USP28: variants seen among roughly 807,000 people sequenced by gnomAD.
USP28 encodes ubiquitin specific peptidase 28.
A neutral mutation model predicts 145.0 loss-of-function variants in USP28; 113 were observed. That is an observed-to-expected ratio of 0.78 (90% CI 0.67 to 0.91). The LOEUF (loss-of-function observed/expected upper bound fraction) is 0.91, where lower values mean the gene tolerates loss of function less well. USP28 is among the 40% of genes least tolerant of loss of function. The probability of loss-of-function intolerance (pLI) is 0.00; values close to 1 mark genes in which losing one functional copy is unlikely to be tolerated. For missense variants in USP28, 1,201 were observed against 1,289.6 expected, an observed-to-expected ratio of 0.93 and a Z score of 1.05; for synonymous variants, 447 against 450.9, an observed-to-expected ratio of 0.99 and a Z score of 0.11.
intron 15 of USP28, chr11:113,813,660 G>T: frequency 4.1e-6 from 2 of 492,380 alleles, no homozygotes; most frequent in Non-Finnish European, 7.1e-6. Context: ...AAAATTCCAT[G>T]TGGCAGAATT....
chr11:113,862,618 C>T (rs1469062736), intron 1 of USP28, among the ~76,000 whole-genome samples: 1 of 152,152 alleles, frequency 6.6e-6, no homozygotes. Flanking sequence ...AGGCAGGATG[C>T]TGGTAGGCAA....
intron 2 of USP28, among the ~76,000 whole-genome samples, 154 bp from the exon 3 acceptor site, chr11:113,852,787 T>C (rs1402862491): frequency 6.6e-6 from 1 of 152,200 alleles, no homozygotes; most frequent in Non-Finnish European, 1.5e-5. Context: ...GTAGGTCTAA[T>C]GTGCTTGAAG....
intron 16 of USP28, among the ~76,000 whole-genome samples, chr11:113,810,842 T>C (rs776209895): frequency 1.4e-4 from 22 of 152,160 alleles, no homozygotes; most frequent in Admixed American, 1.4e-3. Context: ...GCCCAGCTAA[T>C]TTATGTATTT....
At chr11:113,806,688 A>T in intron 18 of USP28, 104 bp from the exon 20 acceptor site, 1 of 758,036 alleles carries the variant, frequency 1.3e-6, no homozygotes, top group Non-Finnish European at 2.1e-6. Flanking sequence ...GCAGCAGAGC[A>T]GTGTGCTCTT....
At chr11:113,841,493 G>A (rs1242126201) in intron 4 of USP28, among the ~76,000 whole-genome samples, 170 bp downstream of exon 4, 2 of 152,128 alleles carry the variant, frequency 1.3e-5, no homozygotes, top group Non-Finnish European at 2.9e-5. Flanking sequence ...TTTCAGTTTC[G>A]CTTTTTCAAA....
chr11:113,875,127 C>A (rs1949243651), intron 1 of USP28, among the ~76,000 whole-genome samples: 1 of 152,230 alleles, frequency 6.6e-6, no homozygotes, highest in Admixed American at 6.5e-5. Context: ...TCACCCCGGA[C>A]GGGGCCCAGG....
chr11:113,843,469 C>G (rs1234780177), intron 3 of USP28, among the ~76,000 whole-genome samples: 1 of 151,902 alleles, frequency 6.6e-6, no homozygotes, highest in East Asian at 1.9e-4. Flanking sequence ...ATTGGGAGTT[C>G]GAGATCAGCC....
chr11:113,868,691 C>T (rs1408702900), intron 1 of USP28, among the ~76,000 whole-genome samples: 3 of 152,118 alleles, frequency 2.0e-5, no homozygotes, highest in South Asian at 4.2e-4. Context: ...GAGGCTCAGG[C>T]GGGAGGATCA....
intron 1 of USP28, among the ~76,000 whole-genome samples, chr11:113,866,513 TATA>T (rs1389703655): frequency 6.6e-6 from 1 of 152,094 alleles, no homozygotes; most frequent in Non-Finnish European, 1.5e-5. Context: ...CCAAAGAAGA[TATA>T]TAAATAGTCA....
chr11:113,835,867 G>A (rs372215925), intron 5 of USP28, among the ~76,000 whole-genome samples: 346 of 152,232 alleles, frequency 2.3e-3, no homozygotes, highest in Non-Finnish European at 3.7e-3. Context: ...GATCACCTGA[G>A]GTCAGGAGTT....
intron 14 of USP28, among the ~76,000 whole-genome samples, chr11:113,814,376 G>A (rs1266278225): frequency 6.6e-6 from 1 of 152,136 alleles, no homozygotes; most frequent in Non-Finnish European, 1.5e-5. Flanking sequence ...GAGACAGGAA[G>A]GGGGGTAAGG....
At chr11:113,820,650 C>T (rs1229444628) in intron 12 of USP28, among the ~76,000 whole-genome samples, 1 of 152,172 alleles carries the variant, frequency 6.6e-6, no homozygotes, top group East Asian at 1.9e-4. Flanking sequence ...AGGCGCCCTC[C>T]TTCCATGGGA....
intron 24 of USP28, 123 bp from the exon 26 acceptor site, chr11:113,799,538 A>G: frequency 8.8e-7 from 1 of 1,132,368 alleles, no homozygotes; most frequent in East Asian, 2.6e-5. Context: ...GCCAGTTACT[A>G]ATAAATGATT....
chr11:113,811,451 G>A (rs1445724596), intron 16 of USP28, among the ~76,000 whole-genome samples: 2 of 152,170 alleles, frequency 1.3e-5, no homozygotes, highest in African/African-American at 4.8e-5. Flanking sequence ...ACTTTGAGAG[G>A]CCGAAGCAGG....
chr11:113,819,406 C>T (rs1942265093), intron 12 of USP28, among the ~76,000 whole-genome samples: 1 of 152,102 alleles, frequency 6.6e-6, no homozygotes, highest in Non-Finnish European at 1.5e-5. Context: ...AGCCACTGTG[C>T]CTGGCCAACA....
At chr11:113,812,746 A>C (rs1444449403) in intron 15 of USP28, among the ~76,000 whole-genome samples, 1 of 152,206 alleles carries the variant, frequency 6.6e-6, no homozygotes, top group African/African-American at 2.4e-5. Flanking sequence ...TTTCAACTCT[A>C]AACTCCTCAG....
chr11:113,804,993 G>A (rs1175375675), exon 20 of USP28: 14 of 1,614,046 alleles, frequency 8.7e-6, no homozygotes, highest in Non-Finnish European at 1.1e-5. Context: ...CACTGTGAGA[G>A]GTGGGGGTCT....
rs188421609 is a variant in USP28, at chr11:113,860,342, C to G, written c.58-6007G>C. 3.5e-3 allele frequency among the ~76,000 whole-genome samples: 533 copies of G among 151,742 alleles called. 2 individuals are homozygous for G. Among genetic ancestry groups the G allele is most frequent in the African/African-American group, 0.013 (520 of 41,396 alleles). ...TAAGTAAATAATTAATAAATGTTCCCTTACTCCAAAGAACTACCAAGGTGT... is the reference window on the plus strand; with the variant it reads ...TAAGTAAATAATTAATAAATGTTCCGTTACTCCAAAGAACTACCAAGGTGT... On this transcript the variant is annotated intron_variant, in intron 1 of 24. Coordinates refer to ENST00000003302, the Ensembl canonical transcript of USP28.
intron 1 of USP28, among the ~76,000 whole-genome samples, chr11:113,864,390 T>C (rs1003264956): frequency 2.6e-5 from 4 of 152,156 alleles, no homozygotes; most frequent in Admixed American, 6.5e-5. Context: ...AAATTTATTA[T>C]AAGGAATTGG....
Sources: allele counts gnomAD v4.1 joint callset (sites outside exome capture counted in the v4.1 genomes callset), GRCh38; gene constraint gnomAD v4.1.1; transcripts MANE v1.5; gene names NCBI Gene and HGNC (gene_info 2026-07-23, HGNC 2026-07-21).